CDH18: variants seen among roughly 807,000 people sequenced by gnomAD.
CDH18 encodes cadherin-18.
CDH18 carries 31 observed loss-of-function variants against 67.9 expected under a neutral mutation model. The observed-to-expected ratio is 0.46, with a 90% CI of 0.34 to 0.62. The LOEUF (loss-of-function observed/expected upper bound fraction) is 0.62. CDH18 is among the 20% of genes least tolerant of loss of function. The probability of loss-of-function intolerance (pLI) is 0.01; values close to 1 mark genes in which losing one functional copy is unlikely to be tolerated. For synonymous variants in CDH18, 362 were observed against 347.2 expected (o/e 1.04, Z -0.48); for missense variants, 890 against 975.5 (o/e 0.91, Z 1.17).
chr5:19,837,838 C>T (rs528176446), intron 3 of CDH18, among the ~76,000 whole-genome samples: 7 of 152,226 alleles, frequency 4.6e-5, no homozygotes, highest in East Asian at 1.9e-4. Context: ...CCTGCAGTCA[C>T]GGATATTCTA....
At chr5:19,593,625 C>CCTCCTCCTT (rs1396891084) in intron 6 of CDH18, among the ~76,000 whole-genome samples, 1 of 137,686 alleles carries the variant, frequency 7.3e-6, no homozygotes, top group Non-Finnish European at 1.6e-5. Context: ...TCCCGTTCTT[C>CCTCCTCCTT]CTCCTCCTTC....
chr5:19,533,712 T>C (rs72737430), intron 9 of CDH18, among the ~76,000 whole-genome samples: 15,093 of 152,054 alleles, frequency 0.099, 1,017 homozygotes, highest in Non-Finnish European at 0.13. Flanking sequence ...GCCAGAGACT[T>C]GGCATGGACA....
At chr5:19,673,538 A>G (rs1409254044) in intron 5 of CDH18, among the ~76,000 whole-genome samples, 2 of 152,068 alleles carry the variant, frequency 1.3e-5, no homozygotes, top group Non-Finnish European at 2.9e-5. Flanking sequence ...GGAAAGAATT[A>G]TAAATCATCA....
intron 5 of CDH18, among the ~76,000 whole-genome samples, chr5:19,713,619 A>C (rs988345860): frequency 1.3e-5 from 2 of 152,080 alleles, no homozygotes; most frequent in African/African-American, 4.8e-5. Flanking sequence ...ACGGAGTAGG[A>C]GAGTTATCTG....
intron 2 of CDH18, among the ~76,000 whole-genome samples, chr5:20,118,376 A>G (rs1014882603): frequency 6.6e-6 from 1 of 152,172 alleles, no homozygotes; most frequent in Non-Finnish European, 1.5e-5. Flanking sequence ...AATTGTAAAG[A>G]TAAGCAATAA....
At chr5:20,417,818 T>C (rs1747446819) in intron 1 of CDH18, among the ~76,000 whole-genome samples, 1 of 152,202 alleles carries the variant, frequency 6.6e-6, no homozygotes, top group South Asian at 2.1e-4. Flanking sequence ...ACTAGGAATC[T>C]CTAAATTAGA....
chr5:19,972,478 G>C (rs1197384857), intron 2 of CDH18, among the ~76,000 whole-genome samples: 2 of 151,990 alleles, frequency 1.3e-5, no homozygotes, highest in Admixed American at 1.3e-4. Context: ...TAAAGCGAAA[G>C]TGGCAAATTA....
chr5:20,251,944 T>G (rs895454460), intron 2 of CDH18, among the ~76,000 whole-genome samples: 11 of 152,310 alleles, frequency 7.2e-5, no homozygotes, highest in African/African-American at 2.4e-4. Context: ...GTTAGGAAAC[T>G]ATATAGAATA....
At chr5:20,535,303 T>C (rs775033697) in intron 1 of CDH18, among the ~76,000 whole-genome samples, 14 of 152,110 alleles carry the variant, frequency 9.2e-5, no homozygotes, top group Non-Finnish European at 1.5e-4. Context: ...CATAGCCACC[T>C]TGCTTGACCC....
chr5:19,642,263 C>T (rs1346505714), intron 5 of CDH18, among the ~76,000 whole-genome samples: 3 of 151,872 alleles, frequency 2.0e-5, no homozygotes, highest in Non-Finnish European at 4.4e-5. Context: ...CCAAAGTGGT[C>T]TACAGATTCA....
At position 20,172,205 on chromosome 5, in the gene CDH18, T is replaced by TATATAC. The variant is rs1554098705; in HGVS notation, c.-518+83238_-518+83239insGTATAT. Reference sequence around the variant, plus strand: ...AGCATTGTGTGTATATATATATATATATATATATATATATATATGTATATA... The same window carrying TATATAC: ...AGCATTGTGTGTATATATATATATATATATACATATATATATATATATATGTATATA... On this transcript the variant is annotated intron_variant, in intron 2 of 14. Transcript: ENST00000507958. 9.6e-5 allele frequency among the ~76,000 whole-genome samples: 6 copies of TATATAC among 62,194 alleles called. No individual in the cohort carries two copies. In the East Asian group the frequency reaches 2.7e-3, roughly 28 times the overall value. The allele number at this position is 62,194 out of a possible 152,430, so 40.8% of individuals were successfully genotyped here. A position where few individuals can be genotyped will look rare whatever the true frequency, so the allele number is the denominator to read the frequency against.
At chr5:20,309,420 C>T (rs1462904384) in intron 1 of CDH18, among the ~76,000 whole-genome samples, 1 of 152,022 alleles carries the variant, frequency 6.6e-6, no homozygotes, top group Admixed American at 6.6e-5. Flanking sequence ...TTTAATTGGT[C>T]CTCTTGGTAC....
At chr5:19,481,345 G>T (rs1236636473) in intron 12 of CDH18, among the ~76,000 whole-genome samples, 1 of 152,150 alleles carries the variant, frequency 6.6e-6, no homozygotes, top group Non-Finnish European at 1.5e-5. Flanking sequence ...TCTAACTCAT[G>T]CAGGTATCTA....
At chr5:19,476,316 A>G (rs2126522086) in intron 12 of CDH18, among the ~76,000 whole-genome samples, 1 of 152,216 alleles carries the variant, frequency 6.6e-6, no homozygotes, top group South Asian at 2.1e-4. Context: ...GTGGTTACAG[A>G]AAGCTGAAAA....
At chr5:19,960,889 T>C (rs565753388) in intron 2 of CDH18, among the ~76,000 whole-genome samples, 8 of 150,332 alleles carry the variant, frequency 5.3e-5, no homozygotes, top group Non-Finnish European at 1.2e-4. Flanking sequence ...CTGCAGTAAA[T>C]CATAACCCAA....
intron 4 of CDH18, among the ~76,000 whole-genome samples, chr5:19,738,503 A>T (rs1768655645): frequency 6.6e-6 from 1 of 152,124 alleles, no homozygotes; most frequent in Non-Finnish European, 1.5e-5. Flanking sequence ...TCAGTTTTCT[A>T]CATTGAGGCC....
At chr5:20,133,933 T>G (rs1749483189) in intron 2 of CDH18, among the ~76,000 whole-genome samples, 1 of 152,168 alleles carries the variant, frequency 6.6e-6, no homozygotes, top group Non-Finnish European at 1.5e-5. Context: ...GCTCATCACA[T>G]TATATATGTC....
chr5:19,745,789 C>G (rs1561208711), intron 4 of CDH18, among the ~76,000 whole-genome samples: 3 of 152,114 alleles, frequency 2.0e-5, no homozygotes, highest in Admixed American at 6.5e-5. Flanking sequence ...GAAGACCTCA[C>G]TCTCTTCCTT....
intron 2 of CDH18, among the ~76,000 whole-genome samples, chr5:20,204,937 TA>T (rs999202301): frequency 1.3e-5 from 2 of 151,402 alleles, no homozygotes; most frequent in Admixed American, 6.6e-5. Context: ...AGCAATAAGT[TA>T]AAAAAAATTT....
Sources: allele counts gnomAD v4.1 joint callset (sites outside exome capture counted in the v4.1 genomes callset), GRCh38; gene constraint gnomAD v4.1.1; transcripts MANE v1.5; gene names NCBI Gene and HGNC (gene_info 2026-07-23, HGNC 2026-07-21).